GLYR1: variants seen among roughly 807,000 people sequenced by gnomAD.
The protein encoded by GLYR1 is glyoxylate reductase 1 homolog.
Under a neutral mutation model 72.7 loss-of-function variants are expected in GLYR1, and 21 were observed. The observed-to-expected ratio is 0.29, with a 90% CI of 0.20 to 0.42. The LOEUF (loss-of-function observed/expected upper bound fraction) is 0.42, where lower values mean the gene tolerates loss of function less well. Ranked by LOEUF, GLYR1 falls within the 10% of genes least tolerant of loss-of-function variation. The probability of loss-of-function intolerance (pLI) is 1.00; values close to 1 mark genes in which losing one functional copy is unlikely to be tolerated. For synonymous variants in GLYR1, 392 were observed against 270.2 expected (o/e 1.45, Z -4.42); for missense variants, 594 against 712.1 (o/e 0.83, Z 1.89).
chr16:4,810,876 G>A (rs1480225503), intron 15 of GLYR1, among the ~76,000 whole-genome samples: 8 of 151,620 alleles, frequency 5.3e-5, no homozygotes, highest in Non-Finnish European at 1.2e-4. Context: ...AGGCAGAGGC[G>A]GGTGGATCAC....
In GLYR1 at chr16:4,844,167, T is replaced by C. The variant is rs549157312; in HGVS notation, c.155+907A>G. On this transcript the variant is annotated intron_variant, in intron 3 of 15. Transcript: ENST00000321919. ...ATCTAGCTAGACCCAGGTAAGCCAC[T>C]TGACATAGTGATAAAAAGCTAAACA... is the stretch of plus-strand genomic sequence containing the variant. Among the ~76,000 whole-genome samples the C allele has an allele frequency of 2.2e-3, 327 of 151,568 alleles. 1 individual carries two copies. Among genetic ancestry groups the C allele is most frequent in the African/African-American group, 6.9e-3 (287 of 41,356 alleles).
In GLYR1 at chr16:4,843,735, G is replaced by A. The variant is rs112680438; in HGVS notation, c.155+1339C>T. On this transcript the variant is annotated intron_variant, in intron 3 of 15. Transcript: ENST00000321919. ...AATTAGATTTACCAGAGAAGCCACA[G>A]ACATTTTTTTCAAATCTAAGGCTGT... 1.7e-5 allele frequency: 16 copies of A among 935,854 alleles called. 1 individual carries two copies. The highest frequency in any genetic ancestry group is 8.8e-5 in the African/African-American group (5 of 56,778). 58.0% of individuals were successfully genotyped at this position (935,854 alleles called of 1,614,324 possible). A position where few individuals can be genotyped will look rare whatever the true frequency, so the allele number is the denominator to read the frequency against.
chr16:4,828,981 C>T (rs548746816), intron 5 of GLYR1, among the ~76,000 whole-genome samples: 2 of 152,100 alleles, frequency 1.3e-5, no homozygotes, highest in Admixed American at 1.3e-4. Context: ...TCTGACAGCC[C>T]AGATTCCTTT....
At position 4,837,425 on chromosome 16, in the gene GLYR1, G is replaced by A. The variant is rs556390570; in HGVS notation, c.156-4513C>T. Reference sequence around the variant, plus strand: ...CAGCATGGGCGACAGAGCAAGACTTGGTCTTTAAAAAAAAAAAAAGAAAAT... The same window carrying A: ...CAGCATGGGCGACAGAGCAAGACTTAGTCTTTAAAAAAAAAAAAAGAAAAT... On this transcript the variant is annotated intron_variant, in intron 3 of 15. Coordinates refer to ENST00000321919, the MANE Select transcript of GLYR1 (RefSeq NM_032569.4). Among the ~76,000 whole-genome samples, 331 of 149,794 alleles carry A rather than the reference G, an allele frequency of 2.2e-3. 2 individuals are homozygous for A. The highest frequency in any genetic ancestry group is 7.8e-3 in the African/African-American group (316 of 40,720).
At chr16:4,815,139 T>A (rs2083558380) in intron 10 of GLYR1, among the ~76,000 whole-genome samples, 1 of 151,950 alleles carries the variant, frequency 6.6e-6, no homozygotes, top group Non-Finnish European at 1.5e-5. Flanking sequence ...AAGGTTTTGC[T>A]CTGTCACCCA....
At chr16:4,845,586 A>G (rs1596440574) in intron 2 of GLYR1, among the ~76,000 whole-genome samples, 1 of 152,084 alleles carries the variant, frequency 6.6e-6, no homozygotes, top group Non-Finnish European at 1.5e-5. Context: ...GGGTTGACAC[A>G]GGACATAGTG....
At chr16:4,805,502 C>A (rs56181790) in intron 15 of GLYR1, among the ~76,000 whole-genome samples, 192 bp from the exon 16 acceptor site, 1 of 152,194 alleles carries the variant, frequency 6.6e-6, no homozygotes, top group Admixed American at 6.5e-5. Context: ...GCTTCTTGCT[C>A]TGGGAGAAGG....
At position 4,812,227 on chromosome 16, in the gene GLYR1, G is replaced by A. The variant is rs1330895855; in HGVS notation, c.1141C>T (p.Arg381Cys). The change falls in exon 13 of 16, where the codon CGC (arginine) becomes TGC (cysteine). Residue 381 changes from arginine to cysteine, a missense_variant. Physicochemically the swap from Arg to Cys is radical, Grantham distance 180. This residue lies in a region of GLYR1 where 266 missense variants were observed against 358.4 expected (regional missense o/e 0.74). Transcript: ENST00000321919. ...LAQVIVSRGG[R>C]FLEAPVSGNQ... is the part of the protein sequence containing the mutation. The stretch of plus-strand genomic sequence containing the variant: ...CCTGAGACGGGGGCTTCCAGAAAGC[G>A]CCCCCCCCTGGACACAATCACCTGG... 2.5e-6 allele frequency: 4 copies of A among 1,611,398 alleles called. No homozygotes were observed. The highest frequency in any genetic ancestry group is 3.4e-6 in the Non-Finnish European group (4 of 1,178,910).
chr16:4,827,673 G>C (rs984184858), intron 5 of GLYR1, among the ~76,000 whole-genome samples: 2 of 152,030 alleles, frequency 1.3e-5, no homozygotes, highest in African/African-American at 2.4e-5. Flanking sequence ...GGCCGAGGCA[G>C]GTGGATCATG....
chr16:4,841,675 CAAA>C (rs869147800), intron 3 of GLYR1, among the ~76,000 whole-genome samples: 2 of 143,540 alleles, frequency 1.4e-5, no homozygotes, highest in East Asian at 2.0e-4. Context: ...ACAACAACAA[CAAA>C]AAACATAAGG....
In GLYR1 at chr16:4,805,140, G is replaced by T. The variant is rs967906403; in HGVS notation, c.*96C>A. 3.2e-6 allele frequency: 3 copies of T among 951,768 alleles called. No homozygotes were observed. In the African/African-American group the frequency reaches 4.8e-5, roughly 15 times the overall value. The allele number at this position is 951,768 out of a possible 1,614,324, so 59.0% of individuals were successfully genotyped here. On this transcript the variant is annotated 3_prime_UTR_variant, in exon 16 of 16. Coordinates refer to ENST00000321919, the MANE Select transcript of GLYR1 (RefSeq NM_032569.4). ...TGTATAAAAGGAAATGGAGATAGGT[G>T]GGCTGGTCCAGAATGAACTCCCAGG...
intron 6 of GLYR1, among the ~76,000 whole-genome samples, chr16:4,823,427 A>G (rs1220617138): frequency 1.3e-5 from 2 of 152,224 alleles, no homozygotes; most frequent in African/African-American, 4.8e-5. Flanking sequence ...CAACAGGTGT[A>G]GCCGCACCAA....
At chr16:4,841,457 CAAAAAAAAA>C (rs1160441336) in intron 3 of GLYR1, among the ~76,000 whole-genome samples, 49 of 31,948 alleles carry the variant, frequency 1.5e-3, no homozygotes, top group Admixed American at 4.5e-3. Flanking sequence ...CTTGTCTCTA[CAAAAAAAAA>C]AAAAAAAAAA....
chr16:4,824,206 T>C (rs1340509922), intron 5 of GLYR1, among the ~76,000 whole-genome samples: 1 of 152,162 alleles, frequency 6.6e-6, no homozygotes, highest in African/African-American at 2.4e-5. Flanking sequence ...TTATGGTGAA[T>C]ACCAAACATT....
Position 4,811,176 on chromosome 16 carries a change from T to C in GLYR1, c.1581A>G (p.Ala527=). The C allele has an allele frequency of 6.2e-7, 1 of 1,613,798 alleles. No homozygotes were observed. The highest frequency in any genetic ancestry group is 8.5e-7 in the Non-Finnish European group (1 of 1,180,024). Residue 527 remains alanine (A), a synonymous_variant, in exon 15 of 16, where the codon GCA becomes GCG. Transcript: ENST00000321919. ...VNHPTPMAAA[A]NEVYKRAKAL... is the part of the protein sequence containing the mutation. Reference sequence around the variant, plus strand: ...TGGGCCACATCTACCCTACCTCATTTGCTGCAGCTGCCATGGGAGTCGGAT... The same window carrying C: ...TGGGCCACATCTACCCTACCTCATTCGCTGCAGCTGCCATGGGAGTCGGAT...
At chr16:4,834,744 G>T (rs2085025143) in intron 3 of GLYR1, among the ~76,000 whole-genome samples, 1 of 152,168 alleles carries the variant, frequency 6.6e-6, no homozygotes, top group South Asian at 2.1e-4. Flanking sequence ...GGGATTACAG[G>T]TGTGAGCCAG....
intron 3 of GLYR1, among the ~76,000 whole-genome samples, chr16:4,841,457 CAAAAAAAAAAAAA>C (rs1160441336): frequency 0.034 from 1,091 of 31,962 alleles, 15 homozygotes; most frequent in Non-Finnish European, 0.046. Context: ...CTTGTCTCTA[CAAAAAAAAAAAAA>C]AAAAAAAAAA....
Position 4,805,257 on chromosome 16 carries a change from C to T in GLYR1, c.1641G>A (p.Val547=), listed in dbSNP as rs138196315. Residue 547 remains valine, a synonymous_variant, in exon 16 of 16, where the codon GTG becomes GTA. Coordinates refer to ENST00000321919, the MANE Select transcript of GLYR1 (RefSeq NM_032569.4). ...LDQSDNDMSA[V]YRAYIH ...CAGCTTAGTGTATGTAGGCTCGGTACACGGCGGACATATCGTTGTCAGACT... is the reference window on the plus strand; with the variant it reads ...CAGCTTAGTGTATGTAGGCTCGGTATACGGCGGACATATCGTTGTCAGACT... 6 of 1,613,892 alleles carry T rather than the reference C, an allele frequency of 3.7e-6. No homozygotes were observed. In the African/African-American group the frequency reaches 4.0e-5, roughly 11 times the overall value.
At chr16:4,805,445 T>C (rs2082911447) in intron 15 of GLYR1, 135 bp from the exon 16 acceptor site, 3 of 731,988 alleles carry the variant, frequency 4.1e-6, no homozygotes, top group Admixed American at 2.1e-5. Flanking sequence ...GAATCCTGTG[T>C]TGACCTTGCA....
Sources: gnomAD v4.1 joint callset for allele counts (sites outside exome capture counted in the v4.1 genomes callset) on GRCh38, gnomAD v4.1.1 for gene constraint, gnomAD v4.1.1 regional missense constraint, MANE v1.5 for transcripts, NCBI Gene and HGNC (gene_info 2026-07-23, HGNC 2026-07-21) for gene names.